SORT1: variants seen among roughly 807,000 people sequenced by gnomAD.
The protein encoded by SORT1 is sortilin.
A neutral mutation model predicts 101.7 loss-of-function variants in SORT1; 39 were observed. That is an observed-to-expected ratio of 0.38 (90% CI 0.30 to 0.50). The LOEUF (loss-of-function observed/expected upper bound fraction) is 0.50, where lower values mean the gene tolerates loss of function less well. Among genes scored for constraint, SORT1 ranks in the 20% least tolerant of loss-of-function variants. The probability of loss-of-function intolerance (pLI) is 0.90; values close to 1 mark genes in which losing one functional copy is unlikely to be tolerated. For missense variants in SORT1, 878 were observed against 1,040.4 expected (o/e 0.84, Z 2.15); for synonymous variants, 396 against 393.7 (o/e 1.01, Z -0.07).
At chr1:109,386,843 G>A (rs1490658690) in intron 1 of SORT1, among the ~76,000 whole-genome samples, 9 of 151,820 alleles carry the variant, frequency 5.9e-5, no homozygotes, top group Admixed American at 5.9e-4. Flanking sequence ...GAGATCAGTA[G>A]AGTGCAAAGC....
intron 1 of SORT1, among the ~76,000 whole-genome samples, chr1:109,379,952 G>T (rs1652113477): frequency 6.6e-6 from 1 of 152,112 alleles, no homozygotes; most frequent in African/African-American, 2.4e-5. Context: ...ATAGGGCGAA[G>T]ATTTAAATGT....
At chr1:109,391,445 T>C (rs1355867538) in intron 1 of SORT1, among the ~76,000 whole-genome samples, 2 of 152,152 alleles carry the variant, frequency 1.3e-5, no homozygotes, top group Non-Finnish European at 2.9e-5. Context: ...TTAAAGCTAG[T>C]CCAAAACTTC....
Position 109,355,421 on chromosome 1 carries a change from GTTA to G in SORT1, c.486_488del (p.Asn163del), listed in dbSNP as rs773057185. ...TGCCAAATTCAGTCCGAATAAAGGT[GTTA>G]TTGATGAGATCTGTAATATCCTTAA... On this transcript the variant is annotated inframe_deletion, in exon 4 of 20. Coordinates refer to ENST00000256637, the MANE Select transcript of SORT1 (RefSeq NM_002959.7). 6 of 1,606,432 alleles carry G rather than the reference GTTA, an allele frequency of 3.7e-6. No individual in the cohort carries two copies. The highest frequency in any genetic ancestry group is 1.3e-5 in the African/African-American group (1 of 74,868).
In SORT1 at chr1:109,340,843, C is replaced by T. The variant is rs368245847; in HGVS notation, c.1145G>A (p.Arg382Gln). 19 of 1,613,644 alleles carry T rather than the reference C, an allele frequency of 1.2e-5. No individual in the cohort carries two copies. The highest frequency in any genetic ancestry group is 1.6e-5 in the Non-Finnish European group (19 of 1,179,754). The change falls in exon 10 of 20, where the codon CGA becomes CAA. Residue 382 changes from arginine (R) to glutamine (Q), a missense_variant. Physicochemically the swap from Arg to Gln is conservative, Grantham distance 43 (BLOSUM62 1). Coordinates refer to ENST00000256637, the MANE Select transcript of SORT1 (RefSeq NM_002959.7). ...CAAAGACTTGGAATAGACAATGCCT[C>T]GATCATCTGAGGTAAAGATTGTGCC... Reference protein sequence around the residue: ...GFGTIFTSDDRGIVYSKSLDR... With the variant: ...GFGTIFTSDDQGIVYSKSLDR...
intron 1 of SORT1, among the ~76,000 whole-genome samples, chr1:109,376,827 C>T (rs1370380696): frequency 6.6e-6 from 1 of 152,118 alleles, no homozygotes; most frequent in Non-Finnish European, 1.5e-5. Flanking sequence ...ATCCCAGCAT[C>T]GCACAATATA....
intron 3 of SORT1, among the ~76,000 whole-genome samples, chr1:109,361,317 A>G (rs183435391): frequency 1.3e-5 from 2 of 152,232 alleles, no homozygotes; most frequent in African/African-American, 4.8e-5. Context: ...GTTGTCTGCC[A>G]CTTTATAACA....
Position 109,357,024 on chromosome 1 carries a change from G to C in SORT1, c.441-1555C>G, listed in dbSNP as rs78250475. On this transcript the variant is annotated intron_variant, in intron 3 of 19. Transcript: ENST00000256637. ...GTTATGTGTTGCATGAAGATGTTTT[G>C]GTTACCAATGGACTGTTTATATGAT... 5.0e-3 allele frequency among the ~76,000 whole-genome samples: 764 copies of C among 152,260 alleles called. 10 individuals carry two copies. The highest frequency in any genetic ancestry group is 0.018 in the African/African-American group (733 of 41,560).
At chr1:109,331,684 TTAAG>T (rs531512104) in intron 11 of SORT1, among the ~76,000 whole-genome samples, 217 of 152,004 alleles carry the variant, frequency 1.4e-3, no homozygotes, top group African/African-American at 5.1e-3. Context: ...GCTGGAGCAA[TTAAG>T]TAAGAAAAAG....
intron 13 of SORT1, 53 bp downstream of exon 13, chr1:109,326,939 T>C (rs1406286205): frequency 1.1e-5 from 15 of 1,353,332 alleles, no homozygotes; most frequent in Non-Finnish European, 2.0e-6. Flanking sequence ...TGAAGAACAT[T>C]CCCCCAGTTG....
In SORT1 at chr1:109,397,577, G is replaced by A; in HGVS notation, c.306+10C>T. ...CACCCGAGCGGCTCCCGGGCCCGGC[G>A]CCCGCTCACCTGGTGCGTGTTGTTG... On this transcript the variant is annotated intron_variant, in intron 1 of 19. Transcript: ENST00000256637. 1 of 1,196,876 alleles carries A rather than the reference G, an allele frequency of 8.4e-7. No homozygotes were observed. The allele number at this position is 1,196,876 out of a possible 1,614,324, so 74.1% of individuals were successfully genotyped here. A position where few individuals can be genotyped will look rare whatever the true frequency, so the allele number is the denominator to read the frequency against.
rs990188163 is a variant in SORT1, at chr1:109,316,160, C to T, written c.2250+690G>A. On this transcript the variant is annotated intron_variant, in intron 17 of 19. Transcript: ENST00000256637. ...TGACTTGGTCAGAGATCCACCCTAC[C>T]TATTGCCCAGTGCTCTTCTCTTCCA... 7.2e-5 allele frequency among the ~76,000 whole-genome samples: 11 copies of T among 152,196 alleles called. No homozygotes were observed. The South Asian group carries it at 1.9e-3, about 26-fold the overall frequency.
chr1:109,335,191 C>T (rs909446598), intron 11 of SORT1, among the ~76,000 whole-genome samples: 1 of 152,012 alleles, frequency 6.6e-6, no homozygotes, highest in Non-Finnish European at 1.5e-5. Flanking sequence ...GGCAGAGGGC[C>T]CACCAGGAGA....
Position 109,319,765 on chromosome 1 carries a change from G to A in SORT1, c.2025-1796C>T, listed in dbSNP as rs368282236. On this transcript the variant is annotated intron_variant, in intron 15 of 19. Coordinates refer to ENST00000256637, the MANE Select transcript of SORT1 (RefSeq NM_002959.7). The stretch of plus-strand genomic sequence containing the variant: ...GCCTATAATCCCAGCTACTCGGGAG[G>A]CTGAGGCAGAAGAATCGCTTGAACC... Among the ~76,000 whole-genome samples the A allele has an allele frequency of 4.0e-4, 61 of 152,170 alleles. No homozygotes were observed. The South Asian group carries it at 5.0e-3, about 12-fold the overall frequency.
Position 109,317,972 on chromosome 1 carries a change from G to C in SORT1, c.2025-3C>G, listed in dbSNP as rs1031545324. 1 of 1,573,620 alleles carries C rather than the reference G, an allele frequency of 6.4e-7. No homozygotes were observed. On this transcript the variant is annotated splice_polypyrimidine_tract_variant and splice_region_variant and intron_variant, in intron 15 of 19. Coordinates refer to ENST00000256637, the MANE Select transcript of SORT1 (RefSeq NM_002959.7). ...CTGGACGGTAGTAGCCAAAATCACT[G>C]CAAGAGTCAGCAAATAAAGTACCTT...
rs551662790 is a variant in SORT1, at chr1:109,317,315, C to A, written c.2142-357G>T. ...GAGGCCCGTCTAGAGCAGCACTGTC[C>A]AATATGGTGGCTACTTAAAATTGAT... On this transcript the variant is annotated intron_variant, in intron 16 of 19. Coordinates refer to ENST00000256637, the MANE Select transcript of SORT1 (RefSeq NM_002959.7). Among the ~76,000 whole-genome samples the A allele has an allele frequency of 2.0e-5, 3 of 152,270 alleles. No homozygotes were observed. In the East Asian group the frequency reaches 5.8e-4, roughly 29 times the overall value.
intron 8 of SORT1, 30 bp from the exon 9 acceptor site, chr1:109,342,188 A>C (rs774049886): frequency 1.8e-5 from 28 of 1,575,728 alleles, no homozygotes; most frequent in Non-Finnish European, 2.4e-5. Flanking sequence ...TTATCTTTCT[A>C]ATTTTCTGCC....
At chr1:109,314,955 T>C (rs987342032) in intron 17 of SORT1, among the ~76,000 whole-genome samples, 177 bp from the exon 18 acceptor site, 6 of 152,174 alleles carry the variant, frequency 3.9e-5, no homozygotes, top group Non-Finnish European at 7.4e-5. Context: ...CAGGAGAATA[T>C]TATAGCTGGC....
At chr1:109,324,180 G>A (rs904249267) in intron 14 of SORT1, among the ~76,000 whole-genome samples, 1 of 151,708 alleles carries the variant, frequency 6.6e-6, no homozygotes, top group African/African-American at 2.4e-5. Flanking sequence ...CCAGGCTGGA[G>A]TGCAATGGCA....
intron 16 of SORT1, 150 bp downstream of exon 16, chr1:109,317,703 T>C (rs1647323339): frequency 1.4e-5 from 9 of 621,670 alleles, no homozygotes; most frequent in Admixed American, 5.3e-5. Flanking sequence ...TAGTTGACCC[T>C]TGAAGGAGGC....
Sources: gnomAD v4.1 joint callset for allele counts (sites outside exome capture counted in the v4.1 genomes callset) on GRCh38, gnomAD v4.1.1 for gene constraint, MANE v1.5 for transcripts, NCBI Gene and HGNC (gene_info 2026-07-23, HGNC 2026-07-21) for gene names.